PPP2R2C: variants seen among roughly 807,000 people sequenced by gnomAD.
PPP2R2C encodes the protein protein phosphatase 2, regulatory subunit B, gamma.
PPP2R2C carries 10 observed loss-of-function variants against 45.3 expected under a neutral mutation model. The observed-to-expected ratio is 0.22, with a 90% CI of 0.14 to 0.37. PPP2R2C has a LOEUF of 0.37. Among genes scored for constraint, PPP2R2C ranks in the 10% least tolerant of loss-of-function variants. The pLI, the probability that PPP2R2C is intolerant of heterozygous loss-of-function variation, is 1.00. For missense variants in PPP2R2C, 308 were observed against 619.7 expected (o/e 0.50, Z 5.34); for synonymous variants, 257 against 245.4 (o/e 1.05, Z -0.44).
chr4:6,413,820 G>A, intron 1 of PPP2R2C: 5 of 1,502,424 alleles, frequency 3.3e-6, no homozygotes, highest in Non-Finnish European at 4.5e-6. Context: ...GCAGAGGACT[G>A]TGCCGGGGCT....
chr4:6,511,759 G>A (rs1186266198), intron 2 of PPP2R2C, among the ~76,000 whole-genome samples: 1 of 49,338 alleles, frequency 2.0e-5, no homozygotes, highest in Non-Finnish European at 4.8e-5. Context: ...GGCAATGGTG[G>A]TGGTGATGGT....
chr4:6,350,799 T>A (rs1226876269), intron 5 of PPP2R2C: 1 of 985,294 alleles, frequency 1.0e-6, no homozygotes, highest in East Asian at 1.1e-4. Context: ...CGTGGTCTGC[T>A]GTGACACTGT....
chr4:6,560,488 T>A (rs986264223), intron 1 of PPP2R2C, among the ~76,000 whole-genome samples: 3 of 152,176 alleles, frequency 2.0e-5, no homozygotes, highest in African/African-American at 7.2e-5. Context: ...GCAGATCACT[T>A]AATCTCTCTG....
intron 8 of PPP2R2C, among the ~76,000 whole-genome samples, chr4:6,326,577 C>T (rs959495657): frequency 1.3e-5 from 2 of 152,154 alleles, no homozygotes; most frequent in African/African-American, 4.8e-5. Flanking sequence ...AGGATCACTG[C>T]GGCACCCCTG....
intron 6 of PPP2R2C, among the ~76,000 whole-genome samples, chr4:6,334,514 G>A (rs1187945232): frequency 6.6e-6 from 1 of 152,146 alleles, no homozygotes; most frequent in Non-Finnish European, 1.5e-5. Context: ...AGCTGCAGAA[G>A]TTCCCAAAGT....
intron 1 of PPP2R2C, chr4:6,414,032 C>G (rs2109375196): frequency 6.6e-7 from 1 of 1,510,264 alleles, no homozygotes; most frequent in Middle Eastern, 1.7e-4. Context: ...TGGCCCAAAT[C>G]TAGAGAATTA....
At chr4:6,421,167 G>C (rs756834836) in intron 1 of PPP2R2C, 1 of 977,556 alleles carries the variant, frequency 1.0e-6, no homozygotes, top group Admixed American at 6.2e-5. Flanking sequence ...TTCCTGGTTA[G>C]CACATGACCA....
intron 1 of PPP2R2C, among the ~76,000 whole-genome samples, chr4:6,400,084 C>T (rs1717312375): frequency 6.6e-6 from 1 of 152,218 alleles, no homozygotes; most frequent in Non-Finnish European, 1.5e-5. Context: ...TCACCCATCA[C>T]CTAAATCAGC....
intron 6 of PPP2R2C, among the ~76,000 whole-genome samples, 156 bp downstream of exon 6, chr4:6,347,690 C>T (rs1712122792): frequency 6.6e-6 from 1 of 152,152 alleles, no homozygotes. Flanking sequence ...CCCCGACCAG[C>T]CAGCGCTGAA....
intron 6 of PPP2R2C, 30 bp downstream of exon 6, chr4:6,347,808 CAATGCACA>C: frequency 1.3e-6 from 2 of 1,531,450 alleles, no homozygotes; most frequent in Non-Finnish European, 8.8e-7. Context: ...CCCGCCTGCC[CAATGCACA>C]GCCCCCCACC....
chr4:6,494,184 C>T (rs1448074029), intron 2 of PPP2R2C, among the ~76,000 whole-genome samples: 7 of 152,210 alleles, frequency 4.6e-5, no homozygotes, highest in Middle Eastern at 3.2e-3. Flanking sequence ...TGAATGCCTC[C>T]GTCTCAGCCC....
At chr4:6,354,852 A>G in intron 5 of PPP2R2C, among the ~76,000 whole-genome samples, 1 of 152,066 alleles carries the variant, frequency 6.6e-6, no homozygotes. Context: ...ATTGCCCCTT[A>G]GAAGAAGCTG....
intron 1 of PPP2R2C, among the ~76,000 whole-genome samples, chr4:6,462,888 G>A (rs1220511353): frequency 4.6e-5 from 7 of 152,168 alleles, no homozygotes; most frequent in Non-Finnish European, 8.8e-5. Context: ...CAGTTCAATA[G>A]ACTATTTTCT....
rs199611673 is a variant in PPP2R2C, at chr4:6,562,207, T to TG, written c.-59+1352dup. Reference sequence around the variant, plus strand: ...CTGAGGAGGCAGCTGCAGCAGATTGTGGGGCACTGACAGCTGACAGAGGAG... The same window carrying TG: ...CTGAGGAGGCAGCTGCAGCAGATTGTGGGGGCACTGACAGCTGACAGAGGAG... On this transcript the variant is annotated intron_variant, in intron 1 of 9. Transcript: ENST00000506140. Among the ~76,000 whole-genome samples, 1,458 of 152,174 alleles carry TG rather than the reference T, an allele frequency of 9.6e-3. 22 individuals are homozygous for TG. Among genetic ancestry groups the TG allele is most frequent in the African/African-American group, 0.033 (1,385 of 41,524 alleles).
chr4:6,380,919 C>A (rs1715732284), intron 2 of PPP2R2C, 78 bp downstream of exon 2: 1 of 1,447,222 alleles, frequency 6.9e-7, no homozygotes, highest in Non-Finnish European at 9.1e-7. Flanking sequence ...TTATCCTTAT[C>A]CCCTCCCACC....
chr4:6,553,965 A>T (rs928430609), intron 1 of PPP2R2C, among the ~76,000 whole-genome samples: 2 of 152,116 alleles, frequency 1.3e-5, no homozygotes, highest in African/African-American at 4.8e-5. Context: ...CTGCTCCCTG[A>T]TGGAAGCCTT....
rs139708135 is a variant in PPP2R2C at position 6,513,564 on chromosome 4, C to T, written c.49+21707G>A. ...GCCTGAGAAGCCAGCAATTGCCATG[C>T]ACAGACCCTATTTGTGCAGCTCCCT... On this transcript the variant is annotated intron_variant, in intron 2 of 9. Coordinates refer to the PPP2R2C transcript ENST00000506140. 4.5e-3 allele frequency among the ~76,000 whole-genome samples: 681 copies of T among 152,336 alleles called. 2 individuals are homozygous for T. Among genetic ancestry groups the T allele is most frequent in the Non-Finnish European group, 6.1e-3 (416 of 68,036 alleles).
chr4:6,370,055 C>T (rs1714673002), intron 5 of PPP2R2C, among the ~76,000 whole-genome samples: 1 of 152,226 alleles, frequency 6.6e-6, no homozygotes, highest in Non-Finnish European at 1.5e-5. Context: ...GACAGGAAAA[C>T]CGAGCAGCAA....
intron 1 of PPP2R2C, among the ~76,000 whole-genome samples, chr4:6,439,785 A>G (rs1395905993): frequency 6.6e-6 from 1 of 152,208 alleles, no homozygotes; most frequent in East Asian, 1.9e-4. Flanking sequence ...GTGCCTGGAC[A>G]TGACACTCTC....
Sources: gnomAD v4.1 joint callset for allele counts (sites outside exome capture counted in the v4.1 genomes callset) on GRCh38, gnomAD v4.1.1 for gene constraint, MANE v1.5 for transcripts, NCBI Gene and HGNC (gene_info 2026-07-23, HGNC 2026-07-21) for gene names.